TH: variants seen among roughly 807,000 people sequenced by gnomAD.
TH encodes the protein tyrosine hydroxylase.
A neutral mutation model predicts 57.4 loss-of-function variants in TH; 49 were observed. That is an observed-to-expected ratio of 0.85 (90% CI 0.68 to 1.08). The LOEUF (loss-of-function observed/expected upper bound fraction) is 1.08. Ranked by LOEUF, TH falls within the 50% of genes least tolerant of loss-of-function variation. The probability of loss-of-function intolerance (pLI) is 0.00; values close to 1 mark genes in which losing one functional copy is unlikely to be tolerated. For synonymous variants in TH, 330 were observed against 304.5 expected, an observed-to-expected ratio of 1.08 and a Z score of -0.87; for missense variants, 720 against 696.7, an observed-to-expected ratio of 1.03 and a Z score of -0.38.
At chr11:2,166,821 T>C in intron 7 of TH, 53 bp from the exon 8 acceptor site, 3 of 1,558,966 alleles carry the variant, frequency 1.9e-6, no homozygotes, top group South Asian at 2.4e-5. Context: ...GGAGCCGCGC[T>C]GGGGTGGGGC....
chr11:2,168,969 C>T (rs1045546434), intron 2 of TH, among the ~76,000 whole-genome samples: 8 of 152,304 alleles, frequency 5.3e-5, no homozygotes, highest in Middle Eastern at 6.8e-3. Context: ...CCACACAGTC[C>T]GGCTCCTCAG....
chr11:2,169,975 C>G, intron 1 of TH, 104 bp from the exon 2 acceptor site: 1 of 1,218,708 alleles, frequency 8.2e-7, no homozygotes, highest in Non-Finnish European at 1.2e-6. Flanking sequence ...CACACAGAGG[C>G]AGGGGATGAG....
chr11:2,166,607 G>A (rs772993162), intron 8 of TH, 26 bp downstream of exon 8: 2 of 1,583,308 alleles, frequency 1.3e-6, no homozygotes, highest in Admixed American at 1.8e-5. Flanking sequence ...CCCACCCTCG[G>A]GCTGGCGGCC....
rs12419447 is a variant in TH at position 2,166,625 on chromosome 11, G to C, written c.977+8C>G. 519,344 of 1,578,486 alleles carry C rather than the reference G, an allele frequency of 0.33. 91,703 individuals are homozygous for C. The highest frequency in any genetic ancestry group is 0.37 in the Non-Finnish European group (429,407 of 1,163,288). On this transcript the variant is annotated splice_region_variant and intron_variant, in intron 8 of 12. Coordinates refer to ENST00000352909, the MANE Select transcript of TH (RefSeq NM_000360.4). ...ACCCTCGGGCTGGCGGCCAGGGCGC[G>C]CACTCACGGCTCAGGGGAGTGCATG...
rs966711065 is a variant in TH, at chr11:2,167,702, A to G, written c.644+164T>C. On this transcript the variant is annotated intron_variant, in intron 5 of 12. Coordinates refer to ENST00000352909, the MANE Select transcript of TH (RefSeq NM_000360.4). ...AGCCCCCCTGGGCCTCAGTTTCCCC[A>G]CTGGGATTTGGGGACATGGAAAGCC... 27 of 1,131,750 alleles carry G rather than the reference A, an allele frequency of 2.4e-5. No homozygotes were observed. In the African/African-American group the frequency reaches 4.0e-4, roughly 17 times the overall value. The allele number at this position is 1,131,750 out of a possible 1,614,324, so 70.1% of individuals were successfully genotyped here. A position where few individuals can be genotyped will look rare whatever the true frequency, so the allele number is the denominator to read the frequency against.
intron 5 of TH, 37 bp from the exon 6 acceptor site, chr11:2,167,522 G>T: frequency 6.5e-7 from 1 of 1,549,096 alleles, no homozygotes; most frequent in East Asian, 2.4e-5. Flanking sequence ...GTCCCCTCGG[G>T]GAGTGAGAAG....
At chr11:2,167,399 G>C in intron 6 of TH, 36 bp downstream of exon 6, 1 of 1,551,102 alleles carries the variant, frequency 6.4e-7, no homozygotes, top group Non-Finnish European at 8.7e-7. Flanking sequence ...CATCCCCCGG[G>C]CTCCTCCCCA....
In TH at chr11:2,169,706, A is replaced by G; in HGVS notation, c.256T>C (p.Phe86Leu). Reference protein sequence around the residue: ...KEGKAVLNLLFSPRATKPSAL... With the variant: ...KEGKAVLNLLLSPRATKPSAL... ...GAGGGCTTGGTGGCCCTCGGGGAGAAGAGCAGGTTTAGCACGGCCTTCCCC... is the reference window on the plus strand; with the variant it reads ...GAGGGCTTGGTGGCCCTCGGGGAGAGGAGCAGGTTTAGCACGGCCTTCCCC... Residue 86 changes from phenylalanine to leucine, a missense_variant, in exon 2 of 13, where the codon TTC becomes CTC. Physicochemically the swap from Phe to Leu is conservative, Grantham distance 22. Transcript: ENST00000352909. The G allele has an allele frequency of 1.9e-6, 3 of 1,613,358 alleles. No homozygotes were observed. Among genetic ancestry groups the G allele is most frequent in the Non-Finnish European group, 2.5e-6 (3 of 1,179,922 alleles).
Position 2,168,663 on chromosome 11 carries a change from C to A in TH, c.315G>T (p.Thr105=). The A allele has an allele frequency of 6.8e-7, 1 of 1,479,484 alleles. No homozygotes were observed. Among genetic ancestry groups the A allele is most frequent in the Non-Finnish European group, 9.1e-7 (1 of 1,098,888 alleles). 91.6% of individuals were successfully genotyped at this position (1,479,484 alleles called of 1,614,324 possible). A position where few individuals can be genotyped will look rare whatever the true frequency, so the allele number is the denominator to read the frequency against. Residue 105 remains threonine (T), a splice_region_variant and synonymous_variant, in exon 3 of 13, where the codon ACG becomes ACT. Transcript: ENST00000352909. ...ALSRAVKVFE[T]FEAKIHHLET... ...CTAGATGGTGGATTTTGGCTTCAAA[C>A]GTCTTAGGGAGCAAAAGCAGGAAGA...
chr11:2,167,162 C>A, intron 6 of TH, 130 bp from the exon 7 acceptor site: 1 of 1,359,842 alleles, frequency 7.4e-7, no homozygotes, highest in Non-Finnish European at 1.0e-6. Context: ...CCTGAAGACC[C>A]AGGCCCCCGG....
intron 3 of TH, 152 bp downstream of exon 3, chr11:2,168,339 G>A (rs1025546795): frequency 1.0e-5 from 14 of 1,341,132 alleles, no homozygotes; most frequent in African/African-American, 2.9e-5. Context: ...GCCCGGACAC[G>A]GATGTGTAGC....
chr11:2,170,402 G>A lies in TH; in HGVS notation c.91-531C>T, dbSNP rs1366918819. 1.3e-5 allele frequency among the ~76,000 whole-genome samples: 2 copies of A among 152,046 alleles called. No homozygotes were observed. Among genetic ancestry groups the A allele is most frequent in the Non-Finnish European group, 2.9e-5 (2 of 67,988 alleles). On this transcript the variant is annotated intron_variant, in intron 1 of 12. Coordinates refer to ENST00000352909, the MANE Select transcript of TH (RefSeq NM_000360.4). The surrounding 1 kb of genome is among the most constrained non-coding windows in gnomAD (Gnocchi z 6.0). ...GGGCCCTGCCCCTCTGTGCCACCCC[G>A]CAGGCGCCCGCTCCTGGCTGCCTTG...
At chr11:2,169,973 G>A (rs1846209368) in intron 1 of TH, 102 bp from the exon 2 acceptor site, 2 of 1,221,940 alleles carry the variant, frequency 1.6e-6, no homozygotes, top group Non-Finnish European at 2.3e-6. Context: ...GGCACACAGA[G>A]GCAGGGGATG....
At chr11:2,166,114 G>A (rs188912799) in intron 9 of TH, 56 bp from the exon 10 acceptor site, 29 of 1,536,326 alleles carry the variant, frequency 1.9e-5, no homozygotes, top group Non-Finnish European at 2.5e-5. Flanking sequence ...CATGCTCGAG[G>A]TGGGGGCACC....
In TH at chr11:2,164,095, C is replaced by T; in HGVS notation, c.*138G>A. ...CACACACAGCTGTTGCGCTGAGAAGCAGGTGCAGGGGCAGTGGGAGCCTGG... is the reference window on the plus strand; with the variant it reads ...CACACACAGCTGTTGCGCTGAGAAGTAGGTGCAGGGGCAGTGGGAGCCTGG... On this transcript the variant is annotated 3_prime_UTR_variant, in exon 13 of 13. Transcript: ENST00000352909. 1 of 724,940 alleles carries T rather than the reference C, an allele frequency of 1.4e-6. No homozygotes were observed. The highest frequency in any genetic ancestry group is 2.0e-6 in the Non-Finnish European group (1 of 509,032). The allele number at this position is 724,940 out of a possible 1,614,324, so 44.9% of individuals were successfully genotyped here. A position where few individuals can be genotyped will look rare whatever the true frequency, so the allele number is the denominator to read the frequency against.
rs1198598913 is a variant in TH, at chr11:2,169,888, C to T, written c.91-17G>A. The T allele has an allele frequency of 2.2e-5, 35 of 1,604,002 alleles. No individual in the cohort carries two copies. The highest frequency in any genetic ancestry group is 2.6e-5 in the Non-Finnish European group (31 of 1,176,986). On this transcript the variant is annotated splice_polypyrimidine_tract_variant and intron_variant, in intron 1 of 12. Coordinates refer to ENST00000352909, the MANE Select transcript of TH (RefSeq NM_000360.4). ...CCGCGGGGACTGTGGGGACAAGGGGCACCCATGCCTCCTCCACCTGCTGAG... is the reference window on the plus strand; with the variant it reads ...CCGCGGGGACTGTGGGGACAAGGGGTACCCATGCCTCCTCCACCTGCTGAG...
rs1160750478 is a variant in TH at position 2,166,752 on chromosome 11, C to G, written c.858G>C (p.Gln286His). The G allele has an allele frequency of 6.5e-7, 1 of 1,549,338 alleles. No individual in the cohort carries two copies. Among genetic ancestry groups the G allele is most frequent in the Non-Finnish European group, 8.7e-7 (1 of 1,146,618 alleles). ...ACAGCAGGCCGGCCACAGGCCGCAG[C>G]TGGAAGCCCGTGCGCTCTGCAAGGG... ...SRFLKERTGF[Q>H]LRPVAGLLSA... Residue 286 changes from glutamine (Q) to histidine (H), a missense_variant, in exon 8 of 13, where the codon CAG (glutamine) becomes CAC (histidine). Physicochemically the swap from Gln to His is conservative, Grantham distance 24 (BLOSUM62 0). Coordinates refer to ENST00000352909, the MANE Select transcript of TH (RefSeq NM_000360.4).
At position 2,168,081 on chromosome 11, in the gene TH, C is replaced by T. The variant is rs775488025; in HGVS notation, c.576+10G>A. The T allele has an allele frequency of 1.1e-5, 17 of 1,612,618 alleles. No individual in the cohort carries two copies. The highest frequency in any genetic ancestry group is 1.7e-4 in the Middle Eastern group (1 of 6,060). The stretch of plus-strand genomic sequence containing the variant: ...GGGCAGGAGGCCTGAGTGAGGGGCG[C>T]ACCACTCACCGGGTGGTCCAAGTCC... On this transcript the variant is annotated intron_variant, in intron 4 of 12. Transcript: ENST00000352909.
chr11:2,167,841 G>A (rs1172486007), intron 5 of TH, 25 bp downstream of exon 5: 1 of 1,583,056 alleles, frequency 6.3e-7, no homozygotes, highest in Non-Finnish European at 8.6e-7. Flanking sequence ...ACGGAGTCTG[G>A]GTCCCGAGCG....
Sources: allele counts gnomAD v4.1 joint callset (sites outside exome capture counted in the v4.1 genomes callset), GRCh38; gene constraint gnomAD v4.1.1; non-coding constraint Gnocchi (gnomAD v3.1); transcripts MANE v1.5; gene names NCBI Gene and HGNC (gene_info 2026-07-23, HGNC 2026-07-21).